Variants in PIWIL3 observed in about 807,000 individuals in gnomAD.
The protein encoded by PIWIL3 is piwi-like protein 3.
PIWIL3 carries 101 observed loss-of-function variants against 109.7 expected under a neutral mutation model. That is an observed-to-expected ratio of 0.92 (90% CI 0.78 to 1.09). The LOEUF is 1.09. Ranked by LOEUF, PIWIL3 falls within the 50% of genes least tolerant of loss-of-function variation. The pLI is 0.00. For synonymous variants in PIWIL3, 373 were observed against 376.4 expected (o/e 0.99, Z 0.10); for missense variants, 1,031 against 1,072.6 (o/e 0.96, Z 0.54).
At chr22:24,728,112 A>G in intron 15 of PIWIL3, 59 bp from the exon 16 acceptor site, 1 of 1,607,318 alleles carries the variant, frequency 6.2e-7, no homozygotes, top group Non-Finnish European at 8.5e-7. Flanking sequence ...TTAAGCATTA[A>G]CAATTAAGAG....
intron 12 of PIWIL3, among the ~76,000 whole-genome samples, chr22:24,746,910 T>C (rs144395719): frequency 6.6e-6 from 1 of 152,140 alleles, no homozygotes; most frequent in African/African-American, 2.4e-5. Context: ...TACATTAAAA[T>C]GTCCATATTA....
rs962194479 is a variant in PIWIL3, at chr22:24,751,572, T to G, written c.978-74A>C. ...AACCATCCACACAGAAAATAGACAT[T>G]TTTAATCCTGCAAGGAATTGCAGAA... On this transcript the variant is annotated intron_variant, in intron 8 of 20. Coordinates refer to ENST00000616349, the MANE Select transcript of PIWIL3 (RefSeq NM_001255975.1). 5.1e-6 allele frequency: 8 copies of G among 1,556,088 alleles called. No homozygotes were observed. In the African/African-American group the frequency reaches 1.1e-4, roughly 21 times the overall value.
intron 12 of PIWIL3, among the ~76,000 whole-genome samples, chr22:24,743,714 C>T (rs1924143263): frequency 6.6e-6 from 1 of 152,088 alleles, no homozygotes; most frequent in Non-Finnish European, 1.5e-5. Flanking sequence ...ATGTTCAGTA[C>T]AGTGTACACT....
At position 24,755,808 on chromosome 22, in the gene PIWIL3, C is replaced by A; in HGVS notation, c.668G>T (p.Arg223Leu). ...ELTPTSPDCL[R>L]YYNILFRRTF... ...CCTTCTAAAGAGAATGTTGTAATAG[C>A]GTAGGCAATCTGGCGACGTGGGCGT... The change falls in exon 6 of 21, where the codon CGC becomes CTC. Residue 223 changes from arginine (R) to leucine (L), a missense_variant. By Grantham distance (102) the Arg-to-Leu change is moderately radical. Coordinates refer to ENST00000616349, the MANE Select transcript of PIWIL3 (RefSeq NM_001255975.1). 1 of 1,613,990 alleles carries A rather than the reference C, an allele frequency of 6.2e-7. No individual in the cohort carries two copies. The highest frequency in any genetic ancestry group is 8.5e-7 in the Non-Finnish European group (1 of 1,179,988).
chr22:24,749,891 G>A, intron 9 of PIWIL3, 72 bp from the exon 10 acceptor site: 1 of 1,607,872 alleles, frequency 6.2e-7, no homozygotes, highest in Non-Finnish European at 8.5e-7. Context: ...AGGTTCAAAA[G>A]TGCATGTGTG....
chr22:24,735,760 G>A lies in PIWIL3; in HGVS notation c.1582C>T (p.His528Tyr). Residue 528 changes from histidine (H) to tyrosine (Y), a missense_variant, in exon 13 of 21, where the codon CAT (histidine) becomes TAT (tyrosine). Physicochemically the swap from His to Tyr is moderately conservative, Grantham distance 83. Transcript: ENST00000616349. ...ATGGGGGCTGTGACACTCTGTAGAT[G>A]ACCCTTTAAGGACATGGCTTCTCTG... ...SHREAMSLKG[H>Y]LQSVTAPMGI... 1 of 1,613,716 alleles carries A rather than the reference G, an allele frequency of 6.2e-7. No homozygotes were observed. Among genetic ancestry groups the A allele is most frequent in the Non-Finnish European group, 8.5e-7 (1 of 1,179,832 alleles).
chr22:24,747,858 T>C (rs971776816), intron 12 of PIWIL3, among the ~76,000 whole-genome samples: 11 of 152,182 alleles, frequency 7.2e-5, no homozygotes, highest in Non-Finnish European at 1.3e-4. Context: ...ATAACCACTA[T>C]GGAGAACAGT....
intron 16 of PIWIL3, among the ~76,000 whole-genome samples, chr22:24,725,959 G>A (rs1365527407): frequency 6.6e-6 from 1 of 152,164 alleles, no homozygotes; most frequent in East Asian, 1.9e-4. Flanking sequence ...AAAATGGTAT[G>A]CTGTCTCAAG....
intron 19 of PIWIL3, among the ~76,000 whole-genome samples, chr22:24,722,206 C>T (rs934616539): frequency 3.9e-5 from 6 of 152,154 alleles, no homozygotes; most frequent in Admixed American, 2.0e-4. Flanking sequence ...CCTCAGCCTC[C>T]TGCCTAGCTG....
chr22:24,746,256 G>A (rs927288874), intron 12 of PIWIL3, among the ~76,000 whole-genome samples: 8 of 152,072 alleles, frequency 5.3e-5, no homozygotes, highest in Non-Finnish European at 1.2e-4. Context: ...TTTGTCCCAG[G>A]GATTCAAGGA....
At chr22:24,747,134 T>C (rs1924421109) in intron 12 of PIWIL3, among the ~76,000 whole-genome samples, 1 of 152,226 alleles carries the variant, frequency 6.6e-6, no homozygotes, top group East Asian at 1.9e-4. Flanking sequence ...AACAGACATA[T>C]AGACCAGTGG....
At chr22:24,729,681 T>C (rs141560865) in intron 14 of PIWIL3, among the ~76,000 whole-genome samples, 90 of 152,372 alleles carry the variant, frequency 5.9e-4, no homozygotes, top group African/African-American at 2.0e-3. Context: ...GGACATCTTT[T>C]ATCAGATTAA....
rs772702101 is a variant in PIWIL3, at chr22:24,751,430, T to A, written c.1046A>T (p.Lys349Ile). 1 of 1,614,040 alleles carries A rather than the reference T, an allele frequency of 6.2e-7. No individual in the cohort carries two copies. The highest frequency in any genetic ancestry group is 1.7e-5 in the Admixed American group (1 of 60,016). ...WKQNPEDTFN[K>I]SDGSKITYID... ...ATAGGTGATTTTGCTGCCATCTGAT[T>A]TGTTAAATGTGTCTTCAGGATTCTG... Residue 349 changes from lysine to isoleucine, a missense_variant, in exon 9 of 21, where the codon AAA (lysine) becomes ATA (isoleucine). Transcript: ENST00000616349.
chr22:24,771,080 T>A (rs1926108429), intron 1 of PIWIL3, among the ~76,000 whole-genome samples: 1 of 152,014 alleles, frequency 6.6e-6, no homozygotes, highest in South Asian at 2.1e-4. Context: ...CAAGTTTCCC[T>A]TTTTAAACCC....
At chr22:24,731,699 C>A (rs1478357360) in intron 14 of PIWIL3, among the ~76,000 whole-genome samples, 1 of 151,490 alleles carries the variant, frequency 6.6e-6, no homozygotes, top group Non-Finnish European at 1.5e-5. Flanking sequence ...GATAAATGCA[C>A]ACTTAGACAT....
rs1307125266 is a variant in PIWIL3, at chr22:24,722,710, C to CTCCATCAAATAGATAGAT, written c.2357+402_2357+419dup. 2.6e-5 allele frequency among the ~76,000 whole-genome samples: 4 copies of CTCCATCAAATAGATAGAT among 152,186 alleles called. No individual in the cohort carries two copies. In the East Asian group the frequency reaches 7.8e-4, roughly 30 times the overall value. Reference sequence around the variant, plus strand: ...CTCCAGCCTGGGCAACAGAGCAAGACTCCATCAAATAGATAGATAGATACC... The same window carrying CTCCATCAAATAGATAGAT: ...CTCCAGCCTGGGCAACAGAGCAAGACTCCATCAAATAGATAGATTCCATCAAATAGATAGATAGATACC... On this transcript the variant is annotated intron_variant, in intron 19 of 20. Coordinates refer to ENST00000616349, the MANE Select transcript of PIWIL3 (RefSeq NM_001255975.1).
At chr22:24,739,561 A>T (rs867657026) in intron 12 of PIWIL3, among the ~76,000 whole-genome samples, 15 of 152,298 alleles carry the variant, frequency 9.8e-5, no homozygotes, top group Middle Eastern at 3.4e-3. Context: ...GTAGGAAAAA[A>T]AAAATTACCC....
chr22:24,768,136 G>C (rs1713088838), intron 1 of PIWIL3, among the ~76,000 whole-genome samples: 1 of 152,038 alleles, frequency 6.6e-6, no homozygotes, highest in South Asian at 2.1e-4. Flanking sequence ...CTCTTATTGG[G>C]GACTGCACAG....
chr22:24,734,233 C>T, intron 13 of PIWIL3, 77 bp from the exon 14 acceptor site: 2 of 1,541,130 alleles, frequency 1.3e-6, no homozygotes, highest in Non-Finnish European at 1.7e-6. Flanking sequence ...AAATTAAATA[C>T]AAAGTAAGAC....
Sources: allele counts gnomAD v4.1 joint callset (sites outside exome capture counted in the v4.1 genomes callset), GRCh38; gene constraint gnomAD v4.1.1; transcripts MANE v1.5; gene names NCBI Gene and HGNC (gene_info 2026-07-23, HGNC 2026-07-21).